The following HDLBP variants were observed in gnomAD, a reference collection of about 807,000 sequenced individuals.
HDLBP encodes the protein vigilin.
HDLBP carries 30 observed loss-of-function variants against 137.3 expected under a neutral mutation model. The ratio of observed to expected loss-of-function variants is 0.22; its 90% CI spans 0.16 to 0.30. The LOEUF (loss-of-function observed/expected upper bound fraction) is 0.30, where lower values mean the gene tolerates loss of function less well. HDLBP is among the 10% of genes least tolerant of loss of function. The pLI, the probability that HDLBP is intolerant of heterozygous loss-of-function variation, is 1.00. For synonymous variants in HDLBP, 606 were observed against 596.0 expected (o/e 1.02, Z -0.24); for missense variants, 1,119 against 1,667.3 (o/e 0.67, Z 5.73).
intron 1 of HDLBP, among the ~76,000 whole-genome samples, chr2:241,297,037 C>A (rs1230064881): frequency 6.6e-6 from 1 of 152,254 alleles, no homozygotes; most frequent in Non-Finnish European, 1.5e-5. Context: ...ACGTATCAGT[C>A]TGGAAAAAGC....
chr2:241,234,703 G>A (rs2149349322), intron 23 of HDLBP, among the ~76,000 whole-genome samples: 1 of 152,302 alleles, frequency 6.6e-6, no homozygotes, highest in African/African-American at 2.4e-5. Context: ...CAGAGGTTGG[G>A]GGGGTTTCAT....
Position 241,264,608 on chromosome 2 carries a change from G to T in HDLBP, c.77-3C>A, listed in dbSNP as rs2073504838. ...CTCTTCTGAATTTAGAGTGGCAACT[G>T]GACCAGCCAACACAGATTAAAAGGA... On this transcript the variant is annotated splice_region_variant and splice_polypyrimidine_tract_variant and intron_variant, in intron 3 of 27. Transcript: ENST00000310931. The T allele has an allele frequency of 6.2e-7, 1 of 1,613,614 alleles. No individual in the cohort carries two copies. Among genetic ancestry groups the T allele is most frequent in the East Asian group, 2.2e-5 (1 of 44,858 alleles).
chr2:241,254,054 G>A (rs996935002), intron 9 of HDLBP, among the ~76,000 whole-genome samples: 30 of 152,126 alleles, frequency 2.0e-4, no homozygotes, highest in Admixed American at 3.9e-4. Context: ...GGAGGCTGAG[G>A]TAGGAGGACT....
chr2:241,269,618 C>T (rs1183747488), intron 1 of HDLBP: 1 of 152,118 alleles, frequency 6.6e-6, no homozygotes, highest in Non-Finnish European at 1.5e-5. Flanking sequence ...ACAGATGTAC[C>T]CCAAGACTGA....
At chr2:241,259,409 A>C (rs897492892) in intron 5 of HDLBP, among the ~76,000 whole-genome samples, 5 of 152,228 alleles carry the variant, frequency 3.3e-5, no homozygotes, top group Admixed American at 1.3e-4. Context: ...ATACTTTAAA[A>C]ATTGACAGTA....
intron 1 of HDLBP, among the ~76,000 whole-genome samples, chr2:241,306,656 GC>G (rs2075585486): frequency 6.6e-6 from 1 of 152,012 alleles, no homozygotes; most frequent in Admixed American, 6.6e-5. Context: ...TATTATCACA[GC>G]ACTTCATTGG....
chr2:241,259,498 CT>C (rs1185481242), intron 5 of HDLBP, among the ~76,000 whole-genome samples: 2 of 148,920 alleles, frequency 1.3e-5, no homozygotes, highest in African/African-American at 4.9e-5. Flanking sequence ...TGATTTTGAA[CT>C]CATGATTTTC....
chr2:241,230,946 TAAAA>T lies in HDLBP; in HGVS notation c.3289-6_3289-3del. 1 of 1,611,270 alleles carries T rather than the reference TAAAA, an allele frequency of 6.2e-7. No individual in the cohort carries two copies. The highest frequency in any genetic ancestry group is 8.5e-7 in the Non-Finnish European group (1 of 1,177,702). ...TGTGATGGTAATTTGGTCCTGGGGC[TAAAA>T]AAGGAGAATGTAGTCAGAAAAGGGG... On this transcript the variant is annotated splice_polypyrimidine_tract_variant and splice_region_variant and intron_variant, in intron 24 of 27. Coordinates refer to ENST00000310931, the MANE Select transcript of HDLBP (RefSeq NM_005336.6). This position sits in a 1 kb window ranked among gnomAD's most constrained non-coding sequence, Gnocchi z 5.0.
chr2:241,310,419 T>C lies in HDLBP; in HGVS notation c.-103+5151A>G, dbSNP rs541872374. On this transcript the variant is annotated intron_variant, in intron 1 of 27. Transcript: ENST00000310931. Reference sequence around the variant, plus strand: ...CAAAAGTGCTGACAGTAATCTCATATGCTTTCACCACAAAAAACTTAAAGT... The same window carrying C: ...CAAAAGTGCTGACAGTAATCTCATACGCTTTCACCACAAAAAACTTAAAGT... 3.9e-5 allele frequency among the ~76,000 whole-genome samples: 6 copies of C among 152,368 alleles called. No homozygotes were observed. In the East Asian group the frequency reaches 9.6e-4, roughly 24 times the overall value.
intron 3 of HDLBP, 135 bp from the exon 4 acceptor site, chr2:241,264,740 C>G: frequency 1.2e-6 from 1 of 820,296 alleles, no homozygotes; most frequent in South Asian, 1.8e-5. Flanking sequence ...CCCCACCCCT[C>G]TCTTCTAATT....
chr2:241,229,904 C>T lies in HDLBP; in HGVS notation c.3649G>A (p.Glu1217Lys), dbSNP rs776017355. 3.8e-6 allele frequency: 6 copies of T among 1,598,382 alleles called. No individual in the cohort carries two copies. Among genetic ancestry groups the T allele is most frequent in the East Asian group, 2.3e-5 (1 of 44,316 alleles). Residue 1217 changes from glutamate to lysine, a missense_variant, in exon 27 of 28, where the codon GAA becomes AAA. By Grantham distance (56) the Glu-to-Lys change is moderately conservative. Transcript: ENST00000310931. ...CCTCTGGAAGGTGCCTTGGCCTCTT[C>T]GTGTGCTGGGGGTTTCATGTATACC... Reference protein sequence around the residue: ...LQVYMKPPAHEEAKAPSRGFV... With the variant: ...LQVYMKPPAHKEAKAPSRGFV...
intron 1 of HDLBP, among the ~76,000 whole-genome samples, chr2:241,278,444 A>C (rs1447812043): frequency 6.6e-6 from 1 of 151,996 alleles, no homozygotes; most frequent in Non-Finnish European, 1.5e-5. Flanking sequence ...TTAGCCGGGC[A>C]TGGTGGCACA....
rs1005261994 is a variant in HDLBP at position 241,228,115 on chromosome 2, G to A, written c.*1486C>T. On this transcript the variant is annotated 3_prime_UTR_variant, in exon 28 of 28. Transcript: ENST00000310931. The stretch of plus-strand genomic sequence containing the variant: ...GCTTGAGTTATTCAACTGAGAGTGA[G>A]GTGTCAAGGCGGAAGCGACTGTCCC... 6 of 152,262 alleles carry A rather than the reference G, an allele frequency of 3.9e-5. No homozygotes were observed. Among genetic ancestry groups the A allele is most frequent in the Admixed American group, 2.0e-4 (3 of 15,280 alleles). 9.4% of individuals were successfully genotyped at this position (152,262 alleles called of 1,614,324 possible).
chr2:241,255,925 T>C (rs189792376), intron 7 of HDLBP, among the ~76,000 whole-genome samples: 1 of 152,342 alleles, frequency 6.6e-6, no homozygotes, highest in Admixed American at 6.5e-5. Context: ...GGGATGTGCA[T>C]CTGACCCGGG....
intron 24 of HDLBP, among the ~76,000 whole-genome samples, chr2:241,231,961 G>T (rs114611054): frequency 0.018 from 2,797 of 152,072 alleles, 52 homozygotes; most frequent in African/African-American, 0.051. Flanking sequence ...CCATCATCAC[G>T]CAACAGGACT....
intron 1 of HDLBP, among the ~76,000 whole-genome samples, chr2:241,283,309 T>A (rs1490234174): frequency 6.6e-6 from 1 of 152,202 alleles, no homozygotes; most frequent in Non-Finnish European, 1.5e-5. Flanking sequence ...AACATGAAAG[T>A]GCACGGTGAA....
At chr2:241,264,142 T>C (rs563041367) in intron 4 of HDLBP, among the ~76,000 whole-genome samples, 3 of 151,938 alleles carry the variant, frequency 2.0e-5, no homozygotes, top group Admixed American at 1.3e-4. Context: ...GGAAGGCGGA[T>C]CACGAGGTCA....
At chr2:241,255,643 T>C in intron 7 of HDLBP, 63 bp from the exon 8 acceptor site, 4 of 1,297,796 alleles carry the variant, frequency 3.1e-6, no homozygotes, top group South Asian at 2.4e-5. Flanking sequence ...CAGGTGGGCA[T>C]GGCCACTGCT....
intron 1 of HDLBP, among the ~76,000 whole-genome samples, chr2:241,277,671 T>C (rs1364169316): frequency 6.6e-6 from 1 of 152,070 alleles, no homozygotes; most frequent in African/African-American, 2.4e-5. Flanking sequence ...AATATAAAAC[T>C]TACAACAAGG....
Sources: allele counts gnomAD v4.1 joint callset (sites outside exome capture counted in the v4.1 genomes callset), GRCh38; gene constraint gnomAD v4.1.1; non-coding constraint Gnocchi (gnomAD v3.1); transcripts MANE v1.5; gene names NCBI Gene and HGNC (gene_info 2026-07-23, HGNC 2026-07-21).